Variants in ELL2 observed in about 807,000 individuals in gnomAD.
ELL2 encodes the protein elongation factor for RNA polymerase II 2, also known as RNA polymerase II elongation factor ELL2.
A neutral mutation model predicts 72.8 loss-of-function variants in ELL2; 21 were observed. The observed-to-expected ratio is 0.29, with a 90% CI of 0.20 to 0.42. ELL2 has a LOEUF of 0.42. Among genes scored for constraint, ELL2 ranks in the 10% least tolerant of loss-of-function variants. The pLI is 1.00. For synonymous variants in ELL2, 266 were observed against 283.2 expected (o/e 0.94, Z 0.61); for missense variants, 568 against 772.8 (o/e 0.73, Z 3.14).
At chr5:95,898,107 AAC>A in intron 8 of ELL2, 131 bp downstream of exon 8, 9 of 731,446 alleles carry the variant, frequency 1.2e-5, no homozygotes, top group South Asian at 3.8e-5. Flanking sequence ...AAAAAAAAAA[AAC>A]TGCTCAAAAG....
intron 2 of ELL2, among the ~76,000 whole-genome samples, chr5:95,935,402 T>C: frequency 6.6e-6 from 1 of 152,180 alleles, no homozygotes; most frequent in Non-Finnish European, 1.5e-5. Flanking sequence ...TATTAGTAAT[T>C]AAAAGTAACA....
At chr5:95,913,501 T>C in intron 4 of ELL2, 1 of 253,924 alleles carries the variant, frequency 3.9e-6, no homozygotes, top group Non-Finnish European at 7.4e-6. Context: ...CTTCACGCAG[T>C]AATGTGACCA....
chr5:95,938,470 T>G (rs907339260), intron 2 of ELL2, among the ~76,000 whole-genome samples: 1 of 152,192 alleles, frequency 6.6e-6, no homozygotes, highest in Admixed American at 6.5e-5. Context: ...AAACCTGTAA[T>G]CCCAGGTCTT....
At chr5:95,931,794 C>CAAAAAAAAAAAA (rs1199787352) in intron 2 of ELL2, among the ~76,000 whole-genome samples, 1 of 15,696 alleles carries the variant, frequency 6.4e-5, no homozygotes, top group African/African-American at 3.9e-4. Flanking sequence ...GTGCCCTATC[C>CAAAAAAAAAAAA]ATAAAAAAAA....
At chr5:95,945,503 A>G (rs2112351521) in intron 1 of ELL2, among the ~76,000 whole-genome samples, 1 of 152,252 alleles carries the variant, frequency 6.6e-6, no homozygotes, top group East Asian at 1.9e-4. Context: ...TTCCACACAC[A>G]TCTGTTAATG....
chr5:95,899,283 C>A (rs1749031442), intron 7 of ELL2, among the ~76,000 whole-genome samples: 1 of 152,194 alleles, frequency 6.6e-6, no homozygotes, highest in African/African-American at 2.4e-5. Flanking sequence ...ACTAACACAG[C>A]TAGGTAAAGG....
chr5:95,891,689 G>A (rs1291083689), intron 9 of ELL2, among the ~76,000 whole-genome samples: 1 of 152,172 alleles, frequency 6.6e-6, no homozygotes, highest in Admixed American at 6.5e-5. Context: ...AGAATGTCAC[G>A]CAGTCCGTGA....
intron 3 of ELL2, 134 bp downstream of exon 3, chr5:95,919,290 G>A: frequency 8.9e-7 from 1 of 1,117,562 alleles, no homozygotes; most frequent in East Asian, 3.0e-5. Context: ...ATATTTTTCA[G>A]ATAAATAAAT....
intron 4 of ELL2, among the ~76,000 whole-genome samples, chr5:95,907,637 C>T (rs988143959): frequency 3.3e-5 from 5 of 152,090 alleles, no homozygotes; most frequent in South Asian, 2.1e-4. Context: ...TCCCAGCAAC[C>T]GTTCCTTGCT....
chr5:95,928,986 G>A (rs1750494348), intron 2 of ELL2, among the ~76,000 whole-genome samples: 1 of 152,044 alleles, frequency 6.6e-6, no homozygotes, highest in South Asian at 2.1e-4. Flanking sequence ...GTGCTTGCTG[G>A]GTGCCGGAAC....
intron 9 of ELL2, 80 bp from the exon 10 acceptor site, chr5:95,891,354 A>G: frequency 7.0e-7 from 1 of 1,426,880 alleles, no homozygotes; most frequent in South Asian, 1.4e-5. Flanking sequence ...CCAAATATTT[A>G]GAGATTAGAT....
chr5:95,906,404 C>A (rs1480538226), intron 5 of ELL2, 119 bp downstream of exon 5: 2 of 1,143,514 alleles, frequency 1.7e-6, no homozygotes, highest in Non-Finnish European at 2.4e-6. Context: ...TACCACTGAT[C>A]AAAATAATCC....
intron 5 of ELL2, among the ~76,000 whole-genome samples, chr5:95,902,380 C>T (rs1311501661): frequency 6.6e-6 from 1 of 152,192 alleles, no homozygotes; most frequent in African/African-American, 2.4e-5. Flanking sequence ...ATTAGTCAGC[C>T]AGTTTATTCC....
intron 1 of ELL2, 131 bp downstream of exon 1, chr5:95,961,444 G>A: frequency 8.4e-7 from 1 of 1,189,482 alleles, no homozygotes; most frequent in Non-Finnish European, 1.1e-6. Context: ...GCCCTGCCCT[G>A]CCTGGCCGCT....
rs768646904 is a variant in ELL2, at chr5:95,906,677, T to C, written c.587A>G (p.His196Arg). ...CCTCTGAGAGATGGTGCTGCTGCTA[T>C]GTGTCTTTCGAATTGTATTTGCAGG... ...MNPANTIRKTHSSSTISQRPY... is the reference protein window; with the variant it reads ...MNPANTIRKTRSSSTISQRPY... The change falls in exon 5 of 12, where the codon CAT (histidine) becomes CGT (arginine). Residue 196 changes from histidine (H) to arginine (R), a missense_variant. Coordinates refer to ENST00000237853, the MANE Select transcript of ELL2 (RefSeq NM_012081.6). 23 of 1,614,032 alleles carry C rather than the reference T, an allele frequency of 1.4e-5. No homozygotes were observed. Among genetic ancestry groups the C allele is most frequent in the Non-Finnish European group, 1.9e-5 (23 of 1,180,002 alleles).
chr5:95,924,158 C>T lies in ELL2; in HGVS notation c.196-4613G>A, dbSNP rs3777185. ...CTTGTCTAATCTAGAGCCATTCAGG[C>T]AGAGTTTCAGAGGAACCTGTGGATA... On this transcript the variant is annotated intron_variant, in intron 2 of 11. Coordinates refer to ENST00000237853, the MANE Select transcript of ELL2 (RefSeq NM_012081.6). Among the ~76,000 whole-genome samples the T allele has an allele frequency of 0.33, 50,541 of 152,068 alleles. 9,225 individuals carry two copies. The highest frequency in any genetic ancestry group is 0.49 in the African/African-American group (20,448 of 41,444).
intron 2 of ELL2, among the ~76,000 whole-genome samples, chr5:95,936,243 T>C (rs1211266822): frequency 6.6e-6 from 1 of 152,222 alleles, no homozygotes; most frequent in African/African-American, 2.4e-5. Context: ...TGTAGTTTTC[T>C]CATATTAGAG....
chr5:95,943,720 C>T (rs892391353), intron 1 of ELL2, among the ~76,000 whole-genome samples: 1 of 152,108 alleles, frequency 6.6e-6, no homozygotes, highest in African/African-American at 2.4e-5. Flanking sequence ...AACAGGTTAC[C>T]AGTTCTCTCA....
At chr5:95,961,149 G>C (rs1267323718) in intron 1 of ELL2, among the ~76,000 whole-genome samples, 1 of 152,096 alleles carries the variant, frequency 6.6e-6, no homozygotes, top group Non-Finnish European at 1.5e-5. Flanking sequence ...AACGCGGGCA[G>C]CTGGTGCCCG....
Sources: gnomAD v4.1 joint callset for allele counts (sites outside exome capture counted in the v4.1 genomes callset) on GRCh38, gnomAD v4.1.1 for gene constraint, MANE v1.5 for transcripts, NCBI Gene and HGNC (gene_info 2026-07-23, HGNC 2026-07-21) for gene names.